Variants in ZNF676 observed in about 807,000 individuals in gnomAD.
ZNF676 encodes zinc finger protein 676.
A neutral mutation model predicts 6.0 loss-of-function variants in ZNF676; 4 were observed. The ratio of observed to expected loss-of-function variants is 0.67; its 90% CI spans 0.33 to 1.53. The LOEUF (loss-of-function observed/expected upper bound fraction) is 1.53, where lower values mean the gene tolerates loss of function less well. Ranked by LOEUF, ZNF676 falls within the 40% of genes most tolerant of loss-of-function variation. The probability of loss-of-function intolerance (pLI) is 0.06; values close to 1 mark genes in which losing one functional copy is unlikely to be tolerated. For missense variants in ZNF676, 644 were observed against 679.7 expected (o/e 0.95, Z 0.58); for synonymous variants, 198 against 223.1 (o/e 0.89, Z 1.00).
In ZNF676 at chr19:22,196,664, A is replaced by G. The variant is rs1190200294; in HGVS notation, c.-31T>C. The G allele has an allele frequency of 6.2e-7, 1 of 1,613,552 alleles. No individual in the cohort carries two copies. The highest frequency in any genetic ancestry group is 1.7e-5 in the Admixed American group (1 of 59,982). On this transcript the variant is annotated 5_prime_UTR_variant, in exon 1 of 3. Coordinates refer to ENST00000397121, the MANE Select transcript of ZNF676 (RefSeq NM_001001411.3). ...TCCTATATAAATTCTGCTGTGTAGA[A>G]TCCAGGCATTGCCACTCCTCCAGAG...
chr19:22,253,466 G>C, the ZNF676 span, among the ~76,000 whole-genome samples: 2 of 128,570 alleles, frequency 1.6e-5, no homozygotes, highest in African/African-American at 6.1e-5. Context: ...GATAATGTGT[G>C]TATATATATG....
At chr19:22,226,677 A>T in the ZNF676 span, among the ~76,000 whole-genome samples, 1 of 151,014 alleles carries the variant, frequency 6.6e-6, no homozygotes, top group African/African-American at 2.4e-5. Flanking sequence ...ATTCAACACA[A>T]CCTCCACCTT....
At chr19:22,237,359 G>T in the ZNF676 span, among the ~76,000 whole-genome samples, 7 of 152,112 alleles carry the variant, frequency 4.6e-5, no homozygotes, top group African/African-American at 9.7e-5. Context: ...AATTCAGCCT[G>T]GTTCAACTCT....
chr19:22,254,540 GT>G, the ZNF676 span, among the ~76,000 whole-genome samples: 1 of 152,086 alleles, frequency 6.6e-6, no homozygotes, highest in South Asian at 2.1e-4. Flanking sequence ...TAAGTGCTGG[GT>G]TTAGTGATGT....
chr19:22,251,766 G>A, the ZNF676 span, among the ~76,000 whole-genome samples: 44 of 140,534 alleles, frequency 3.1e-4, no homozygotes, highest in Non-Finnish European at 4.4e-4. Context: ...CAGCCTGGCC[G>A]ACAGAGCAAG....
chr19:22,211,028 T>C (rs548028415), intron 1 of ZNF676, among the ~76,000 whole-genome samples: 82 of 152,110 alleles, frequency 5.4e-4, no homozygotes, highest in Non-Finnish European at 1.0e-3. Context: ...CTTTTCTACC[T>C]AATCTTTATA....
the ZNF676 span, among the ~76,000 whole-genome samples, chr19:22,240,856 T>A: frequency 1.3e-5 from 2 of 151,878 alleles, no homozygotes; most frequent in African/African-American, 4.9e-5. Context: ...AATCCCTCTG[T>A]GAGCAGAATC....
chr19:22,219,424 A>G (rs2024226450), upstream of ZNF676, among the ~76,000 whole-genome samples: 1 of 152,030 alleles, frequency 6.6e-6, no homozygotes, highest in African/African-American at 2.4e-5. Flanking sequence ...GTTGAGTTTT[A>G]GGGTTTCCCA....
In ZNF676 at chr19:22,181,269, A is replaced by G. The variant is rs770981051; in HGVS notation, c.448T>C (p.Phe150Leu). The G allele has an allele frequency of 1.2e-6, 2 of 1,613,684 alleles. No individual in the cohort carries two copies. Among genetic ancestry groups the G allele is most frequent in the Admixed American group, 3.3e-5 (2 of 59,970 alleles). Reference protein sequence around the residue: ...GLKCKEYVRSFCMLSHLSQHE... With the variant: ...GLKCKEYVRSLCMLSHLSQHE... ...TGAGATAGGTGTGAAAGCATGCAAA[A>G]TGATCTGACATATTCTTTACATTTC... The change falls in exon 3 of 3, where the codon TTT becomes CTT. Residue 150 changes from phenylalanine to leucine, a missense_variant. By Grantham distance (22) the Phe-to-Leu change is conservative. Around this residue, in one of 5 missense-constraint regions of ZNF676, gnomAD observed 280 missense variants for 269.3 expected, o/e 1.04. Transcript: ENST00000397121.
chr19:22,209,661 G>C (rs2024110976), intron 1 of ZNF676, among the ~76,000 whole-genome samples: 1 of 152,016 alleles, frequency 6.6e-6, no homozygotes, highest in African/African-American at 2.4e-5. Context: ...AAAGTTAAAA[G>C]AAAAAAATCC....
chr19:22,247,912 A>G, the ZNF676 span, among the ~76,000 whole-genome samples: 1 of 121,828 alleles, frequency 8.2e-6, no homozygotes, highest in Admixed American at 8.7e-5. Flanking sequence ...CTACCCCACA[A>G]CAGGCCCCAA....
chr19:22,240,224 C>G, the ZNF676 span, among the ~76,000 whole-genome samples: 7,804 of 150,048 alleles, frequency 0.052, 799 homozygotes, highest in African/African-American at 0.19. Context: ...GGCAGAAGAG[C>G]CACAGCACCT....
At chr19:22,258,987 T>C in the ZNF676 span, among the ~76,000 whole-genome samples, 1 of 152,198 alleles carries the variant, frequency 6.6e-6, no homozygotes, top group Non-Finnish European at 1.5e-5. Context: ...TCCTGCACGC[T>C]GGGTGTCCTT....
chr19:22,180,666 T>C lies in ZNF676; in HGVS notation c.1051A>G (p.Ile351Val), dbSNP rs1192410800. 9 of 1,611,780 alleles carry C rather than the reference T, an allele frequency of 5.6e-6. No individual in the cohort carries two copies. The highest frequency in any genetic ancestry group is 6.8e-6 in the Non-Finnish European group (8 of 1,178,876). The change falls in exon 3 of 3, where the codon ATC becomes GTC. Residue 351 changes from isoleucine (I) to valine (V), a missense_variant. By Grantham distance (29) the Ile-to-Val change is conservative (BLOSUM62 3). Transcript: ENST00000397121. ...ECGKAFNRSS[I>V]LTKHKIIHTG... is the part of the protein sequence containing the mutation. ...TGAATAATCTTATGTTTAGTAAGGA[T>C]TGAGGATCGATTAAAAGCTTTCCCG...
At chr19:22,237,012 G>A in the ZNF676 span, among the ~76,000 whole-genome samples, 2 of 152,204 alleles carry the variant, frequency 1.3e-5, no homozygotes, top group African/African-American at 4.8e-5. Context: ...CTGACATGCA[G>A]AGAAAAGTAA....
chr19:22,191,189 T>A (rs573939932), intron 2 of ZNF676, among the ~76,000 whole-genome samples: 1 of 152,126 alleles, frequency 6.6e-6, no homozygotes, highest in Non-Finnish European at 1.5e-5. Context: ...TGAGATCCAG[T>A]GAGGGAATTG....
the ZNF676 span, among the ~76,000 whole-genome samples, chr19:22,247,315 G>C: frequency 1.3e-5 from 2 of 152,072 alleles, no homozygotes; most frequent in African/African-American, 4.8e-5. Flanking sequence ...AGTAATCCCA[G>C]CACTCTGGGA....
chr19:22,196,391 T>A (rs1268381723), intron 1 of ZNF676, among the ~76,000 whole-genome samples: 1 of 151,974 alleles, frequency 6.6e-6, no homozygotes, highest in Admixed American at 6.6e-5. Context: ...CTTCTCCCTA[T>A]CTCCTTTACT....
chr19:22,187,510 T>A (rs187510226), intron 2 of ZNF676, among the ~76,000 whole-genome samples: 1 of 149,686 alleles, frequency 6.7e-6, no homozygotes, highest in East Asian at 2.0e-4. Context: ...AAGAAATAAC[T>A]AAGAACAGAG....
Sources: allele counts gnomAD v4.1 joint callset (sites outside exome capture counted in the v4.1 genomes callset), GRCh38; gene constraint gnomAD v4.1.1; regional missense constraint gnomAD v4.1.1; transcripts MANE v1.5; gene names NCBI Gene and HGNC (gene_info 2026-07-23, HGNC 2026-07-21).